The following GLIS1 variants were observed in gnomAD, a reference collection of about 807,000 sequenced individuals.
GLIS1 encodes GLIS family zinc finger 1, also known as zinc finger protein GLIS1.
GLIS1 carries 24 observed loss-of-function variants against 63.8 expected under a neutral mutation model. The observed-to-expected ratio is 0.38, with a 90% CI of 0.27 to 0.53. GLIS1 has a LOEUF of 0.53. Among genes scored for constraint, GLIS1 ranks in the 20% least tolerant of loss-of-function variants. GLIS1 has a pLI of 0.85. For missense variants in GLIS1, 1,036 were observed against 1,074.1 expected (o/e 0.96, Z 0.50); for synonymous variants, 450 against 482.5 (o/e 0.93, Z 0.88).
chr1:53,626,053 ATCCCT>A (rs1472221691), intron 2 of GLIS1, among the ~76,000 whole-genome samples: 2 of 152,188 alleles, frequency 1.3e-5, no homozygotes, highest in African/African-American at 4.8e-5. Context: ...TGGGTACACT[ATCCCT>A]TTGCTTCCTG....
chr1:53,736,905 G>A (rs1646917967), intron 2 of GLIS1, among the ~76,000 whole-genome samples: 1 of 151,614 alleles, frequency 6.6e-6, no homozygotes, highest in Non-Finnish European at 1.5e-5. Flanking sequence ...TCTTCCTTGA[G>A]AATCATCTGG....
chr1:53,630,987 T>C (rs528932376), intron 2 of GLIS1, among the ~76,000 whole-genome samples: 2 of 152,384 alleles, frequency 1.3e-5, no homozygotes, highest in East Asian at 3.9e-4. Context: ...CTGTCCTTTA[T>C]GCATTTTCTC....
chr1:53,627,629 C>T (rs1645609587), intron 2 of GLIS1, among the ~76,000 whole-genome samples: 1 of 152,146 alleles, frequency 6.6e-6, no homozygotes, highest in Non-Finnish European at 1.5e-5. Flanking sequence ...TGCAGACAGT[C>T]TAGAAGAAGC....
intron 2 of GLIS1, among the ~76,000 whole-genome samples, chr1:53,683,324 G>A (rs945652449): frequency 7.6e-6 from 1 of 131,178 alleles, no homozygotes; most frequent in Non-Finnish European, 1.6e-5. Context: ...TATAACCGCA[G>A]GCAGGCAGTC....
At chr1:53,510,989 C>CA (rs1644293139) in intron 8 of GLIS1, among the ~76,000 whole-genome samples, 1 of 152,154 alleles carries the variant, frequency 6.6e-6, no homozygotes, top group African/African-American at 2.4e-5. Flanking sequence ...CAGCCCAGCC[C>CA]GAGGGCCCAC....
intron 4 of GLIS1, among the ~76,000 whole-genome samples, chr1:53,585,048 T>C (rs1429096743): frequency 6.6e-6 from 1 of 152,252 alleles, no homozygotes; most frequent in Non-Finnish European, 1.5e-5. Flanking sequence ...TTTTCCTTTA[T>C]TAGTTTAAAT....
intron 4 of GLIS1, among the ~76,000 whole-genome samples, chr1:53,569,872 T>C (rs1054302931): frequency 6.6e-6 from 1 of 152,014 alleles, no homozygotes; most frequent in Non-Finnish European, 1.5e-5. Context: ...TTATAATACA[T>C]CTTTAAAAGA....
At chr1:53,619,521 AT>A (rs370774762) in intron 2 of GLIS1, among the ~76,000 whole-genome samples, 57 of 152,340 alleles carry the variant, frequency 3.7e-4, no homozygotes, top group African/African-American at 1.3e-3. Flanking sequence ...GTCTTGCTAG[AT>A]ACATCAATCA....
chr1:53,516,165 C>A, intron 7 of GLIS1, among the ~76,000 whole-genome samples: 1 of 152,098 alleles, frequency 6.6e-6, no homozygotes, highest in East Asian at 1.9e-4. Flanking sequence ...TGCACCAGGG[C>A]AGCTGTTACA....
intron 2 of GLIS1, among the ~76,000 whole-genome samples, chr1:53,681,161 C>A (rs558098735): frequency 1.3e-5 from 2 of 152,296 alleles, no homozygotes; most frequent in South Asian, 4.1e-4. Context: ...CTCCACTGCT[C>A]CGTGATCCAC....
intron 2 of GLIS1, among the ~76,000 whole-genome samples, chr1:53,621,727 G>A (rs1645544897): frequency 6.6e-6 from 1 of 152,170 alleles, no homozygotes; most frequent in South Asian, 2.1e-4. Context: ...TCAAAATCAA[G>A]GATTATGGGT....
intron 4 of GLIS1, among the ~76,000 whole-genome samples, chr1:53,550,406 G>A (rs1250253788): frequency 6.6e-6 from 1 of 152,218 alleles, no homozygotes; most frequent in South Asian, 2.1e-4. Flanking sequence ...CCCCAGGGCT[G>A]GGAGGGTTAG....
rs546115404 is a variant in GLIS1, at chr1:53,714,728, C to T, written c.259+23078G>A. Among the ~76,000 whole-genome samples the T allele has an allele frequency of 3.0e-4, 46 of 152,336 alleles. No individual in the cohort carries two copies. In the South Asian group the frequency reaches 6.4e-3, roughly 21 times the overall value. ...ATGAGATGAATTAAGTGTGGCCCTG[C>T]TCCCTGGGGAGATGGACACCCAGTG... On this transcript the variant is annotated intron_variant, in intron 2 of 10. Transcript: ENST00000628545.
chr1:53,515,768 A>C (rs1448243188), intron 7 of GLIS1, among the ~76,000 whole-genome samples: 2 of 150,706 alleles, frequency 1.3e-5, no homozygotes, highest in East Asian at 3.9e-4. Context: ...CTGGAGCCTA[A>C]GAAAGACATG....
At chr1:53,690,032 A>G (rs928293004) in intron 2 of GLIS1, among the ~76,000 whole-genome samples, 53 of 152,106 alleles carry the variant, frequency 3.5e-4, no homozygotes, top group African/African-American at 1.1e-3. Flanking sequence ...GGGCTCCCTG[A>G]CCCTGAGTCA....
At chr1:53,518,707 G>T (rs76428664) in intron 7 of GLIS1, among the ~76,000 whole-genome samples, 2,659 of 152,330 alleles carry the variant, frequency 0.017, 52 homozygotes, top group African/African-American at 0.052. Context: ...GGACTCAGCT[G>T]ATTCTGTTTC....
chr1:53,695,870 T>A (rs1646460317), intron 2 of GLIS1, among the ~76,000 whole-genome samples: 1 of 152,234 alleles, frequency 6.6e-6, no homozygotes, highest in Non-Finnish European at 1.5e-5. Flanking sequence ...GATTAAGCAA[T>A]GTAGCCAAGA....
intron 6 of GLIS1, among the ~76,000 whole-genome samples, chr1:53,524,030 A>G (rs1372088202): frequency 6.6e-6 from 1 of 152,194 alleles, no homozygotes. Context: ...CAATGAACAC[A>G]TACACCAATT....
intron 2 of GLIS1, among the ~76,000 whole-genome samples, chr1:53,601,802 C>T (rs1446128250): frequency 6.6e-6 from 1 of 152,204 alleles, no homozygotes; most frequent in Non-Finnish European, 1.5e-5. Context: ...GATCCCTGTC[C>T]CTCAACCCTA....
Sources: allele counts gnomAD v4.1 joint callset (sites outside exome capture counted in the v4.1 genomes callset), GRCh38; gene constraint gnomAD v4.1.1; transcripts MANE v1.5; gene names NCBI Gene and HGNC (gene_info 2026-07-23, HGNC 2026-07-21).